ANK3: variants seen among roughly 807,000 people sequenced by gnomAD.
ANK3 encodes ankyrin 3.
ANK3 carries 57 observed loss-of-function variants against 370.9 expected under a neutral mutation model. That is an observed-to-expected ratio of 0.15 (90% CI 0.12 to 0.19). The LOEUF is 0.19. ANK3 is among the 10% of genes least tolerant of loss of function. The pLI is 1.00. For missense variants in ANK3, 4,439 were observed against 5,302.1 expected (o/e 0.84, Z 5.06); for synonymous variants, 1,929 against 1,946.3 (o/e 0.99, Z 0.23).
chr10:60,220,911 A>C (rs888503765), intron 8 of ANK3, among the ~76,000 whole-genome samples: 2 of 152,162 alleles, frequency 1.3e-5, no homozygotes, highest in Admixed American at 6.6e-5. Flanking sequence ...ACAGAAAAAT[A>C]ACTATTTTAG....
At chr10:60,216,953 T>A (rs554419146) in intron 8 of ANK3, among the ~76,000 whole-genome samples, 1 of 152,208 alleles carries the variant, frequency 6.6e-6, no homozygotes, top group Non-Finnish European at 1.5e-5. Context: ...AACTCGTTAT[T>A]GGTCTATTCA....
intron 42 of ANK3, among the ~76,000 whole-genome samples, chr10:60,055,161 A>G (rs558836468): frequency 1.4e-5 from 2 of 146,330 alleles, no homozygotes; most frequent in South Asian, 4.5e-4. Context: ...TTGGAATTTC[A>G]TCTCTTTAAT....
chr10:60,490,599 C>A (rs1336762419), intron 2 of ANK3, among the ~76,000 whole-genome samples: 5 of 152,214 alleles, frequency 3.3e-5, no homozygotes, highest in Non-Finnish European at 5.9e-5. Context: ...TGTGCACTCA[C>A]TCCCATCCTC....
chr10:60,244,665 A>G (rs2097526557), intron 7 of ANK3, among the ~76,000 whole-genome samples: 1 of 152,214 alleles, frequency 6.6e-6, no homozygotes, highest in Admixed American at 6.5e-5. Context: ...TATTTCTAGT[A>G]TATATAGAAA....
rs140152080 is a variant in ANK3, at chr10:60,620,934, T to C, written c.58-5710A>G. On this transcript the variant is annotated intron_variant, in intron 1 of 43. Coordinates refer to the ANK3 transcript ENST00000373827. Reference sequence around the variant, plus strand: ...CAACGTGAGGTAGGAATTAGTATTGTTCTCATTTTATAGATGAAGAATCTG... The same window carrying C: ...CAACGTGAGGTAGGAATTAGTATTGCTCTCATTTTATAGATGAAGAATCTG... 1.7e-3 allele frequency among the ~76,000 whole-genome samples: 254 copies of C among 152,310 alleles called. 1 individual carries two copies. Among genetic ancestry groups the C allele is most frequent in the African/African-American group, 5.8e-3 (240 of 41,580 alleles).
At chr10:60,086,019 A>G (rs937744943) in intron 30 of ANK3, among the ~76,000 whole-genome samples, 10 of 152,360 alleles carry the variant, frequency 6.6e-5, no homozygotes, top group African/African-American at 2.4e-4. Context: ...GGCATCAGCC[A>G]TTAAAATTAC....
intron 1 of ANK3, among the ~76,000 whole-genome samples, chr10:60,677,342 T>C (rs1589012999): frequency 6.6e-6 from 1 of 152,358 alleles, no homozygotes; most frequent in East Asian, 1.9e-4. Context: ...TTTATAGTTA[T>C]ACGGTAGTAA....
chr10:60,391,712 G>A (rs1594939054), upstream of ANK3, among the ~76,000 whole-genome samples: 1 of 152,278 alleles, frequency 6.6e-6, no homozygotes, highest in East Asian at 1.9e-4. Context: ...TCTGAGGCTG[G>A]CAAAGCACTA....
chr10:60,552,634 T>C (rs2077113435), intron 2 of ANK3, among the ~76,000 whole-genome samples: 1 of 152,222 alleles, frequency 6.6e-6, no homozygotes, highest in Non-Finnish European at 1.5e-5. Flanking sequence ...TGTAGAGTCT[T>C]GGAAATTTGC....
intron 2 of ANK3, among the ~76,000 whole-genome samples, chr10:60,528,159 A>T (rs2076521790): frequency 8.1e-6 from 1 of 123,196 alleles, no homozygotes; most frequent in African/African-American, 3.1e-5. Context: ...TTTTTGAGAC[A>T]GAGTTTGGCT....
chr10:60,513,333 A>T (rs1367874640), intron 2 of ANK3, among the ~76,000 whole-genome samples: 1 of 152,132 alleles, frequency 6.6e-6, no homozygotes, highest in Non-Finnish European at 1.5e-5. Context: ...ATATTTAAAC[A>T]TAAAAATCCA....
chr10:60,078,317 T>C (rs988742229), intron 36 of ANK3, among the ~76,000 whole-genome samples: 1 of 152,186 alleles, frequency 6.6e-6, no homozygotes, highest in Non-Finnish European at 1.5e-5. Context: ...GTGGAAGAAC[T>C]AAGGAAAAAC....
intron 25 of ANK3, among the ~76,000 whole-genome samples, chr10:60,116,039 A>T (rs553162227): frequency 2.7e-4 from 41 of 152,266 alleles, no homozygotes; most frequent in African/African-American, 9.4e-4. Context: ...AGAAAAACAG[A>T]AGGATTGGCT....
intron 1 of ANK3, among the ~76,000 whole-genome samples, chr10:60,617,110 G>C (rs74155624): frequency 6.6e-6 from 1 of 151,996 alleles, no homozygotes; most frequent in African/African-American, 2.4e-5. Context: ...TTCCCAGTCC[G>C]TTATTTGCAT....
chr10:60,684,418 A>G lies in ANK3; in HGVS notation c.57+48845T>C, dbSNP rs7895577. 3.6e-3 allele frequency: 2,698 copies of G among 754,436 alleles called. 58 individuals are homozygous for G. In the African/African-American group the frequency reaches 0.041, roughly 11 times the overall value. 46.7% of individuals were successfully genotyped at this position (754,436 alleles called of 1,614,324 possible). ...AAGGGGAGGGAAGGATGGTTAGTCA[A>G]TCTTATAGTTGGATCACCTACGAAG... On this transcript the variant is annotated intron_variant, in intron 1 of 43. Coordinates refer to the ANK3 transcript ENST00000373827.
chr10:60,620,772 C>T (rs1310625697), intron 1 of ANK3, among the ~76,000 whole-genome samples: 1 of 152,112 alleles, frequency 6.6e-6, no homozygotes, highest in African/African-American at 2.4e-5. Flanking sequence ...ACCAAGACCA[C>T]TTGTTCTTTT....
intron 1 of ANK3, among the ~76,000 whole-genome samples, chr10:60,364,308 A>G: frequency 6.7e-6 from 1 of 149,306 alleles, no homozygotes; most frequent in East Asian, 2.0e-4. Flanking sequence ...AAAAAAAAAG[A>G]GAAAATGATT....
chr10:60,224,182 C>T (rs2097103516), intron 8 of ANK3, among the ~76,000 whole-genome samples: 1 of 152,030 alleles, frequency 6.6e-6, no homozygotes, highest in Admixed American at 6.6e-5. Context: ...GAGAGGGATG[C>T]TGAGTTGCCA....
At chr10:60,440,732 A>G (rs528573060) in intron 2 of ANK3, among the ~76,000 whole-genome samples, 1 of 152,162 alleles carries the variant, frequency 6.6e-6, no homozygotes, top group Non-Finnish European at 1.5e-5. Flanking sequence ...CATCTTTGTC[A>G]TGTTTCTTGA....
Sources: gnomAD v4.1 joint callset for allele counts (sites outside exome capture counted in the v4.1 genomes callset) on GRCh38, gnomAD v4.1.1 for gene constraint, MANE v1.5 for transcripts, NCBI Gene and HGNC (gene_info 2026-07-23, HGNC 2026-07-21) for gene names.